CACNB2: variants seen among roughly 807,000 people sequenced by gnomAD.
CACNB2 encodes voltage-dependent L-type calcium channel subunit beta-2.
CACNB2 carries 42 observed loss-of-function variants against 73.3 expected under a neutral mutation model. The ratio of observed to expected loss-of-function variants is 0.57; its 90% confidence interval spans 0.45 to 0.74. The LOEUF is 0.74. Ranked by LOEUF, CACNB2 falls within the 30% of genes least tolerant of loss-of-function variation. CACNB2 has a pLI of 0.00. For synonymous variants in CACNB2, 348 were observed against 310.3 expected (o/e 1.12, Z -1.28); for missense variants, 940 against 853.0 (o/e 1.10, Z -1.27).
In CACNB2 at chr10:18,307,983, C is replaced by CA. The variant is rs1356604464; in HGVS notation, c.214-93941_214-93940insA. ...TTAAGTCTAAAATAATATATGCCAA[C>CA]TTTTTTTTTTTTTTTTTTTTTTTTT... On this transcript the variant is annotated intron_variant, in intron 2 of 13. Transcript: ENST00000324631. Among the ~76,000 whole-genome samples the CA allele has an allele frequency of 1.0e-4, 7 of 70,244 alleles. 1 individual carries two copies. The highest frequency in any genetic ancestry group is 1.8e-4 in the African/African-American group (3 of 16,762). 46.1% of individuals were successfully genotyped at this position (70,244 alleles called of 152,430 possible). A position where few individuals can be genotyped will look rare whatever the true frequency, so the allele number is the denominator to read the frequency against.
chr10:18,382,441 G>A (rs1040105016), intron 2 of CACNB2, among the ~76,000 whole-genome samples: 3 of 151,996 alleles, frequency 2.0e-5, no homozygotes, highest in African/African-American at 4.8e-5. Context: ...TGTTATATAG[G>A]TAAATGTGTG....
intron 11 of CACNB2, among the ~76,000 whole-genome samples, chr10:18,535,537 C>G (rs544932278): frequency 1.5e-4 from 23 of 152,156 alleles, no homozygotes; most frequent in African/African-American, 5.5e-4. Flanking sequence ...CTCTACTAGG[C>G]TGAGGTGGGA....
chr10:18,388,321 T>A (rs528780240), intron 2 of CACNB2, among the ~76,000 whole-genome samples: 2 of 152,212 alleles, frequency 1.3e-5, no homozygotes, highest in Admixed American at 6.5e-5. Context: ...ATATTATATA[T>A]CTGTGGCACA....
At chr10:18,395,937 C>T (rs556081601) in intron 2 of CACNB2, among the ~76,000 whole-genome samples, 121 of 152,236 alleles carry the variant, frequency 7.9e-4, no homozygotes, top group African/African-American at 2.6e-3. Flanking sequence ...CAGGATCTCT[C>T]ATCAGTACAT....
intron 2 of CACNB2, among the ~76,000 whole-genome samples, chr10:18,255,985 A>G (rs528010977): frequency 1.3e-3 from 201 of 152,350 alleles, no homozygotes; most frequent in African/African-American, 4.6e-3. Flanking sequence ...ACTAATAGTA[A>G]CATAGAAAGT....
chr10:18,158,320 T>C (rs2032204862), intron 2 of CACNB2, among the ~76,000 whole-genome samples: 1 of 152,208 alleles, frequency 6.6e-6, no homozygotes, highest in African/African-American at 2.4e-5. Context: ...TGTCATAATT[T>C]TAATTTATTA....
At chr10:18,474,096 T>C (rs1377374602) in intron 3 of CACNB2, among the ~76,000 whole-genome samples, 1 of 152,224 alleles carries the variant, frequency 6.6e-6, no homozygotes, top group East Asian at 1.9e-4. Flanking sequence ...ATTTCTCACA[T>C]AGAAAATGGG....
At chr10:18,404,727 C>T (rs1488828021) in intron 3 of CACNB2, among the ~76,000 whole-genome samples, 1 of 152,096 alleles carries the variant, frequency 6.6e-6, no homozygotes, top group Non-Finnish European at 1.5e-5. Flanking sequence ...CTAATAATAC[C>T]TCTGTGAAAT....
intron 2 of CACNB2, among the ~76,000 whole-genome samples, chr10:18,174,756 T>C (rs905811495): frequency 1.3e-5 from 2 of 152,230 alleles, no homozygotes; most frequent in East Asian, 3.9e-4. Flanking sequence ...GATTCAAGTA[T>C]TACAGACAAG....
intron 2 of CACNB2, among the ~76,000 whole-genome samples, chr10:18,187,681 C>G (rs755240490): frequency 2.6e-5 from 4 of 151,948 alleles, no homozygotes; most frequent in Non-Finnish European, 5.9e-5. Context: ...TTGGGGAATG[C>G]TTTTTAATCT....
chr10:18,409,537 C>G (rs1205355259), intron 3 of CACNB2, among the ~76,000 whole-genome samples: 1 of 152,196 alleles, frequency 6.6e-6, no homozygotes, highest in South Asian at 2.1e-4. Flanking sequence ...CTTGAAGTTT[C>G]GGGAAAGGCC....
At chr10:18,508,742 C>T (rs915338605) in intron 6 of CACNB2, among the ~76,000 whole-genome samples, 6 of 152,030 alleles carry the variant, frequency 3.9e-5, no homozygotes, top group Non-Finnish European at 7.3e-5. Flanking sequence ...GTGGACAGAC[C>T]CAGTAAAAAG....
In CACNB2 at chr10:18,407,109, C is replaced by CTTT. The variant is rs71507267; in HGVS notation, c.333+5095_333+5097dup. Among the ~76,000 whole-genome samples, 252 of 35,616 alleles carry CTTT rather than the reference C, an allele frequency of 7.1e-3. 60 individuals are homozygous for CTTT. The highest frequency in any genetic ancestry group is 0.021 in the African/African-American group (193 of 8,998). 23.4% of individuals were successfully genotyped at this position (35,616 alleles called of 152,430 possible). On this transcript the variant is annotated intron_variant, in intron 3 of 13. Coordinates refer to ENST00000324631, the MANE Select transcript of CACNB2 (RefSeq NM_201596.3). ...CTAAAGTCCAGACCTGCTGTTCTGT[C>CTTT]TTTTTTTTTTTTTTTTTTTTTTTTT... is the stretch of plus-strand genomic sequence containing the variant.
At chr10:18,518,451 C>T (rs375657166) in intron 8 of CACNB2, 35 bp downstream of exon 8, 65 of 1,378,044 alleles carry the variant, frequency 4.7e-5, no homozygotes, top group Non-Finnish European at 6.3e-5. Context: ...GCTTAACTTG[C>T]ATGCTGAACT....
chr10:18,397,988 CT>C (rs1408592368), intron 2 of CACNB2, among the ~76,000 whole-genome samples: 1 of 152,126 alleles, frequency 6.6e-6, no homozygotes, highest in Non-Finnish European at 1.5e-5. Flanking sequence ...AGGACAAATA[CT>C]GCAAAAGACC....
chr10:18,332,087 C>T (rs1431878857), intron 2 of CACNB2, among the ~76,000 whole-genome samples: 1 of 152,152 alleles, frequency 6.6e-6, no homozygotes, highest in African/African-American at 2.4e-5. Context: ...GAGTGGAAGC[C>T]ATATCTCCCC....
At chr10:18,300,426 T>C (rs965380673) in intron 2 of CACNB2, among the ~76,000 whole-genome samples, 1 of 152,190 alleles carries the variant, frequency 6.6e-6, no homozygotes, top group Non-Finnish European at 1.5e-5. Context: ...TAAGCCAAGA[T>C]AAAAAGTAAG....
At chr10:18,203,149 T>G (rs2034953656) in intron 2 of CACNB2, among the ~76,000 whole-genome samples, 1 of 152,200 alleles carries the variant, frequency 6.6e-6, no homozygotes, top group Non-Finnish European at 1.5e-5. Context: ...CTAGATCCAA[T>G]TCTTAGTGAA....
At chr10:18,276,813 A>T (rs1232907928) in intron 2 of CACNB2, among the ~76,000 whole-genome samples, 1 of 152,156 alleles carries the variant, frequency 6.6e-6, no homozygotes, top group Non-Finnish European at 1.5e-5. Context: ...TCCTGACCTC[A>T]GACAGTCCAC....
Sources: gnomAD v4.1 joint callset for allele counts (sites outside exome capture counted in the v4.1 genomes callset) on GRCh38, gnomAD v4.1.1 for gene constraint, MANE v1.5 for transcripts, NCBI Gene and HGNC (gene_info 2026-07-23, HGNC 2026-07-21) for gene names.